The following KIFAP3 variants were observed in gnomAD, a reference collection of about 807,000 sequenced individuals.
KIFAP3 encodes kinesin-associated protein 3.
A neutral mutation model predicts 106.5 loss-of-function variants in KIFAP3; 68 were observed. The observed-to-expected ratio is 0.64, with a 90% CI of 0.53 to 0.78. The LOEUF is 0.78. KIFAP3 is among the 30% of genes least tolerant of loss of function. KIFAP3 has a pLI of 0.00. For missense variants in KIFAP3, 780 were observed against 941.8 expected (o/e 0.83, Z 2.25); for synonymous variants, 320 against 311.5 (o/e 1.03, Z -0.29).
At chr1:169,995,233 G>A (rs630179) in intron 10 of KIFAP3, among the ~76,000 whole-genome samples, 142,601 of 152,186 alleles carry the variant, frequency 0.94, 66,893 homozygotes, top group East Asian at 1. Context: ...ACAGGTTCTC[G>A]TGATACGTAG....
intron 10 of KIFAP3, among the ~76,000 whole-genome samples, chr1:170,006,975 G>T (rs1414194424): frequency 1.3e-5 from 2 of 152,178 alleles, no homozygotes; most frequent in Non-Finnish European, 2.9e-5. Flanking sequence ...TAAAGAAGAG[G>T]TGGAAGCAGA....
chr1:169,963,421 G>A (rs573427202), intron 17 of KIFAP3, among the ~76,000 whole-genome samples: 169 of 152,166 alleles, frequency 1.1e-3, no homozygotes, highest in Non-Finnish European at 8.4e-4. Context: ...ACATGCATGT[G>A]CATGTCTCTT....
chr1:169,965,697 C>T (rs1452893375), intron 17 of KIFAP3, among the ~76,000 whole-genome samples: 1 of 151,970 alleles, frequency 6.6e-6, no homozygotes, highest in African/African-American at 2.4e-5. Context: ...GAAGTTTCTT[C>T]ATAAACAATT....
At chr1:169,995,759 T>C (rs903810278) in intron 10 of KIFAP3, among the ~76,000 whole-genome samples, 3 of 151,846 alleles carry the variant, frequency 2.0e-5, no homozygotes, top group African/African-American at 7.3e-5. Context: ...TCAGGTAAGG[T>C]GAGAGGAAGG....
chr1:169,954,143 CAT>C, intron 18 of KIFAP3, 33 bp from the exon 19 acceptor site: 2 of 1,313,918 alleles, frequency 1.5e-6, no homozygotes, highest in Non-Finnish European at 1.1e-6. Context: ...ACCAGTAAAA[CAT>C]ATGTGTAGGA....
intron 5 of KIFAP3, among the ~76,000 whole-genome samples, chr1:170,037,752 C>G (rs1430649300): frequency 6.6e-6 from 1 of 152,072 alleles, no homozygotes; most frequent in Non-Finnish European, 1.5e-5. Context: ...GCCTGGGCAA[C>G]AGAGGGAGAC....
chr1:169,935,002 A>C (rs983780160), intron 19 of KIFAP3, among the ~76,000 whole-genome samples: 5 of 152,122 alleles, frequency 3.3e-5, no homozygotes, highest in Non-Finnish European at 7.4e-5. Context: ...AGGCTTTGAA[A>C]ACATTTTTAA....
intron 1 of KIFAP3, among the ~76,000 whole-genome samples, chr1:170,065,449 T>TA (rs1168391995): frequency 6.6e-6 from 1 of 151,244 alleles, no homozygotes; most frequent in Non-Finnish European, 1.5e-5. Flanking sequence ...CTGTCTCTAC[T>TA]AAAAAATACA....
In KIFAP3 at chr1:169,992,167, G is replaced by C; in HGVS notation, c.1272C>G (p.Asp424Glu). 2.0e-6 allele frequency: 3 copies of C among 1,517,026 alleles called. No homozygotes were observed. Among genetic ancestry groups the C allele is most frequent in the Non-Finnish European group, 2.7e-6 (3 of 1,122,322 alleles). 94.0% of individuals were successfully genotyped at this position (1,517,026 alleles called of 1,614,324 possible). A position where few individuals can be genotyped will look rare whatever the true frequency, so the allele number is the denominator to read the frequency against. The change falls in exon 11 of 20, where the codon GAC becomes GAG. Residue 424 changes from aspartate (D) to glutamate (E), a missense_variant. Asp to Glu is a conservative substitution (Grantham distance 45). This residue lies in a region of KIFAP3 where 588 missense variants were observed against 678.9 expected (regional missense o/e 0.87). Coordinates refer to ENST00000361580, the MANE Select transcript of KIFAP3 (RefSeq NM_014970.4). Reference sequence around the variant, plus strand: ...TTAAACCACTTACCTGTGGTATACAGTCAGTGTATGCAAACATTGATTTAA... The same window carrying C: ...TTAAACCACTTACCTGTGGTATACACTCAGTGTATGCAAACATTGATTTAA... ...DRFKSMFAYTDCIPQLMKMLF... is the reference protein window; with the variant it reads ...DRFKSMFAYTECIPQLMKMLF...
intron 19 of KIFAP3, among the ~76,000 whole-genome samples, chr1:169,929,644 A>G (rs1663353441): frequency 6.6e-6 from 1 of 152,134 alleles, no homozygotes; most frequent in Non-Finnish European, 1.5e-5. Context: ...TTTCCCATTT[A>G]GTTTTATTCT....
chr1:169,972,043 AT>A (rs1375593469), intron 17 of KIFAP3, among the ~76,000 whole-genome samples: 8 of 151,954 alleles, frequency 5.3e-5, no homozygotes, highest in African/African-American at 1.9e-4. Flanking sequence ...AAAACTATGA[AT>A]AACAGTAAGA....
chr1:170,069,164 C>T (rs1423716027), intron 1 of KIFAP3, among the ~76,000 whole-genome samples: 1 of 152,054 alleles, frequency 6.6e-6, no homozygotes, highest in Non-Finnish European at 1.5e-5. Flanking sequence ...CCAAAACTGA[C>T]TCAAAAGACA....
At chr1:169,931,896 A>C (rs1474798019) in intron 19 of KIFAP3, among the ~76,000 whole-genome samples, 1 of 152,208 alleles carries the variant, frequency 6.6e-6, no homozygotes, top group African/African-American at 2.4e-5. Context: ...TTGCTGGTTC[A>C]TTTTGAGACT....
chr1:170,016,206 A>G (rs1249862779), intron 10 of KIFAP3, among the ~76,000 whole-genome samples: 1 of 152,030 alleles, frequency 6.6e-6, no homozygotes, highest in Non-Finnish European at 1.5e-5. Flanking sequence ...TTTTCCTTGC[A>G]TCATTACTTT....
chr1:169,965,735 C>G (rs936366215), intron 17 of KIFAP3, among the ~76,000 whole-genome samples: 9 of 151,970 alleles, frequency 5.9e-5, no homozygotes, highest in African/African-American at 1.9e-4. Flanking sequence ...CTTCTTATCA[C>G]CCTACGAGCT....
chr1:169,955,861 C>G (rs1187320315), intron 18 of KIFAP3, among the ~76,000 whole-genome samples: 1 of 151,790 alleles, frequency 6.6e-6, no homozygotes, highest in Non-Finnish European at 1.5e-5. Context: ...TCAAAAAGAC[C>G]AGCTAAACAC....
intron 19 of KIFAP3, among the ~76,000 whole-genome samples, chr1:169,946,564 C>A (rs1664450257): frequency 1.3e-5 from 2 of 152,030 alleles, no homozygotes; most frequent in Admixed American, 6.5e-5. Flanking sequence ...AAAGGCTTCA[C>A]TATTAGCTAC....
chr1:170,056,134 C>T (rs547947306), intron 1 of KIFAP3, among the ~76,000 whole-genome samples: 51 of 151,728 alleles, frequency 3.4e-4, no homozygotes, highest in Non-Finnish European at 6.2e-4. Context: ...TCAACCTGCC[C>T]GTTAATTACC....
chr1:169,927,889 G>A (rs2101772283), intron 19 of KIFAP3, among the ~76,000 whole-genome samples: 1 of 152,264 alleles, frequency 6.6e-6, no homozygotes, highest in African/African-American at 2.4e-5. Flanking sequence ...GTGGCTACTG[G>A]AGAGTTGTCA....
Sources: gnomAD v4.1 joint callset for allele counts (sites outside exome capture counted in the v4.1 genomes callset) on GRCh38, gnomAD v4.1.1 for gene constraint, gnomAD v4.1.1 regional missense constraint, MANE v1.5 for transcripts, NCBI Gene and HGNC (gene_info 2026-07-23, HGNC 2026-07-21) for gene names.